CFAP20DC: variants seen among roughly 807,000 people sequenced by gnomAD.
CFAP20DC encodes CFAP20 domain containing, also known as protein CFAP20DC.
A neutral mutation model predicts 101.7 loss-of-function variants in CFAP20DC; 84 were observed. The observed-to-expected ratio is 0.83, with a 90% CI of 0.69 to 0.99. CFAP20DC has a LOEUF of 0.99. CFAP20DC is among the 50% of genes least tolerant of loss of function. The pLI, the probability that CFAP20DC is intolerant of heterozygous loss-of-function variation, is 0.00. For missense variants in CFAP20DC, 1,007 were observed against 970.3 expected (o/e 1.04, Z -0.50); for synonymous variants, 359 against 351.2 (o/e 1.02, Z -0.25).
chr3:58,993,761 C>G (rs1381706539), intron 4 of CFAP20DC, among the ~76,000 whole-genome samples: 1 of 152,134 alleles, frequency 6.6e-6, no homozygotes, highest in African/African-American at 2.4e-5. Context: ...AGGATATGAT[C>G]TTGTTCCTTT....
chr3:58,890,287 GGGC>G (rs1424504077), intron 6 of CFAP20DC, among the ~76,000 whole-genome samples: 3 of 148,568 alleles, frequency 2.0e-5, no homozygotes, highest in Admixed American at 2.0e-4. Flanking sequence ...CTCCCGGACG[GGGC>G]GGCTGTCCGG....
At chr3:58,757,394 A>G (rs1234449972) in intron 15 of CFAP20DC, among the ~76,000 whole-genome samples, 1 of 152,086 alleles carries the variant, frequency 6.6e-6, no homozygotes, top group East Asian at 1.9e-4. Context: ...ACACATATAT[A>G]TATGCATGTG....
intron 4 of CFAP20DC, among the ~76,000 whole-genome samples, chr3:58,974,184 A>G (rs2092130790): frequency 6.6e-6 from 1 of 152,110 alleles, no homozygotes; most frequent in Admixed American, 6.5e-5. Flanking sequence ...AGTTTGGTGT[A>G]CAAATGATCT....
chr3:58,878,243 G>A (rs1202716787), intron 7 of CFAP20DC, among the ~76,000 whole-genome samples: 2 of 152,128 alleles, frequency 1.3e-5, no homozygotes, highest in Admixed American at 1.3e-4. Flanking sequence ...AAACCAGAAC[G>A]TAGCCTTACC....
At chr3:58,973,000 C>A (rs2092039593) in intron 4 of CFAP20DC, among the ~76,000 whole-genome samples, 1 of 152,126 alleles carries the variant, frequency 6.6e-6, no homozygotes, top group African/African-American at 2.4e-5. Flanking sequence ...ATTATTTAAA[C>A]AATATTTGGG....
intron 4 of CFAP20DC, among the ~76,000 whole-genome samples, chr3:58,942,965 C>T (rs1022484441): frequency 4.6e-5 from 7 of 152,180 alleles, no homozygotes; most frequent in Admixed American, 1.3e-4. Flanking sequence ...CCAGGAATTT[C>T]GAACTGGGCA....
chr3:58,831,983 C>T, intron 13 of CFAP20DC, 94 bp from the exon 14 acceptor site: 2 of 1,051,396 alleles, frequency 1.9e-6, no homozygotes, highest in Non-Finnish European at 2.9e-6. Flanking sequence ...AGCAGCTCCC[C>T]CAACTGACAG....
intron 4 of CFAP20DC, among the ~76,000 whole-genome samples, chr3:58,989,422 C>T (rs2092860224): frequency 6.6e-6 from 1 of 152,070 alleles, no homozygotes; most frequent in Admixed American, 6.6e-5. Flanking sequence ...CTGGATACAG[C>T]ATTACTCATT....
Position 59,002,764 on chromosome 3 carries a change from T to A in CFAP20DC, c.278+36793A>T, listed in dbSNP as rs552689560. Among the ~76,000 whole-genome samples the A allele has an allele frequency of 2.2e-4, 34 of 152,326 alleles. No individual in the cohort carries two copies. Among genetic ancestry groups the A allele is most frequent in the African/African-American group, 7.7e-4 (32 of 41,588 alleles). ...AAAGAGATGTTATTTTAAGTAAATA[T>A]AAAAAAGAGAGCATTTGTGACCTTC... is the stretch of plus-strand genomic sequence containing the variant. On this transcript the variant is annotated intron_variant, in intron 4 of 16. Coordinates refer to ENST00000482387, the MANE Select transcript of CFAP20DC (RefSeq NM_001394063.1). The surrounding 1 kb of genome is among the most constrained non-coding windows in gnomAD (Gnocchi z 4.5).
chr3:58,816,802 C>T (rs1269921638), intron 14 of CFAP20DC, among the ~76,000 whole-genome samples: 2 of 152,136 alleles, frequency 1.3e-5, no homozygotes, highest in Non-Finnish European at 2.9e-5. Flanking sequence ...CTCAAGGAGG[C>T]CTGCCTGCCT....
chr3:58,754,788 C>T (rs527718964), intron 15 of CFAP20DC, among the ~76,000 whole-genome samples: 1 of 152,296 alleles, frequency 6.6e-6, no homozygotes, highest in African/African-American at 2.4e-5. Context: ...CAGCTCCGTG[C>T]TTCCTACAGT....
In CFAP20DC at chr3:58,783,109, T is replaced by A. The variant is rs577887302; in HGVS notation, c.2237+23286A>T. Among the ~76,000 whole-genome samples, 3 of 152,024 alleles carry A rather than the reference T, an allele frequency of 2.0e-5. No homozygotes were observed. The South Asian group carries it at 6.2e-4, about 32-fold the overall frequency. The stretch of plus-strand genomic sequence containing the variant: ...TAGACCAATGGAACAGAATAGGGAA[T>A]CCAGAAATAAATCCATATATTTAAT... On this transcript the variant is annotated intron_variant, in intron 15 of 16. Transcript: ENST00000482387.
chr3:58,856,112 A>G (rs2078780045), intron 12 of CFAP20DC, among the ~76,000 whole-genome samples: 1 of 150,156 alleles, frequency 6.7e-6, no homozygotes, highest in Non-Finnish European at 1.5e-5. Flanking sequence ...TAAAATAATC[A>G]ATAATACTAA....
intron 4 of CFAP20DC, among the ~76,000 whole-genome samples, chr3:58,987,104 C>A (rs926843650): frequency 6.6e-6 from 1 of 151,958 alleles, no homozygotes; most frequent in Non-Finnish European, 1.5e-5. Context: ...ACTTAGTGAT[C>A]TGAAAGAAAT....
Position 58,863,936 on chromosome 3 carries a change from A to G in CFAP20DC, c.1259-44T>C. ...GACAAAAATTAGAGCAGTAATCCAT[A>G]AAAGTGTTATTTTTATTTATTTATT... On this transcript the variant is annotated intron_variant, in intron 11 of 16. Transcript: ENST00000482387. The surrounding 1 kb of genome is among the most constrained non-coding windows in gnomAD (Gnocchi z 5.9). 1 of 1,517,646 alleles carries G rather than the reference A, an allele frequency of 6.6e-7. No individual in the cohort carries two copies. Among genetic ancestry groups the G allele is most frequent in the Admixed American group, 2.2e-5 (1 of 45,396 alleles). The allele number at this position is 1,517,646 out of a possible 1,614,324, so 94.0% of individuals were successfully genotyped here. A position where few individuals can be genotyped will look rare whatever the true frequency, so the allele number is the denominator to read the frequency against.
chr3:58,827,210 C>T lies in CFAP20DC; in HGVS notation c.2175+4476G>A, dbSNP rs142065711. On this transcript the variant is annotated intron_variant, in intron 14 of 16. Coordinates refer to ENST00000482387, the MANE Select transcript of CFAP20DC (RefSeq NM_001394063.1). ...TCTCAATTTTGCTGTGAACCCAAAA[C>T]GGCTCAAAACAATTATAAGTCTTTA... Among the ~76,000 whole-genome samples the T allele has an allele frequency of 3.3e-4, 50 of 152,098 alleles. No homozygotes were observed. The East Asian group carries it at 8.5e-3, about 26-fold the overall frequency.
chr3:58,815,575 T>G (rs1009850506), intron 14 of CFAP20DC, among the ~76,000 whole-genome samples: 8 of 151,102 alleles, frequency 5.3e-5, no homozygotes, highest in South Asian at 2.1e-4. Flanking sequence ...ACAGGCAACC[T>G]ACAAAATGGG....
intron 14 of CFAP20DC, among the ~76,000 whole-genome samples, chr3:58,825,027 C>T (rs1273609228): frequency 6.6e-6 from 1 of 152,012 alleles, no homozygotes; most frequent in African/African-American, 2.4e-5. Flanking sequence ...AGGGTAGCTG[C>T]ACAATAAACC....
At chr3:58,789,222 T>C (rs1188430993) in intron 15 of CFAP20DC, among the ~76,000 whole-genome samples, 1 of 152,198 alleles carries the variant, frequency 6.6e-6, no homozygotes, top group Non-Finnish European at 1.5e-5. Flanking sequence ...CAAAAAACTT[T>C]GCAGCCTTTT....
Sources: gnomAD v4.1 joint callset for allele counts (sites outside exome capture counted in the v4.1 genomes callset) on GRCh38, gnomAD v4.1.1 for gene constraint, Gnocchi (gnomAD v3.1) non-coding constraint, MANE v1.5 for transcripts, NCBI Gene and HGNC (gene_info 2026-07-23, HGNC 2026-07-21) for gene names.